Variants in SCAPER observed in about 807,000 individuals in gnomAD.
SCAPER encodes S phase cyclin A-associated protein in the endoplasmic reticulum.
Under a neutral mutation model 182.2 loss-of-function variants are expected in SCAPER, and 98 were observed. The ratio of observed to expected loss-of-function variants is 0.54; its 90% confidence interval spans 0.46 to 0.64. SCAPER has a LOEUF of 0.64. Among genes scored for constraint, SCAPER ranks in the 30% least tolerant of loss-of-function variants. SCAPER has a pLI of 0.00. For missense variants in SCAPER, 1,432 were observed against 1,690.0 expected, an observed-to-expected ratio of 0.85 and a Z score of 2.68; for synonymous variants, 605 against 564.6, an observed-to-expected ratio of 1.07 and a Z score of -1.01.
chr15:76,685,674 G>C (rs1164699475), intron 20 of SCAPER, among the ~76,000 whole-genome samples: 1 of 152,084 alleles, frequency 6.6e-6, no homozygotes, highest in East Asian at 1.9e-4. Context: ...ATTCTCAACA[G>C]TTTTTGATAG....
intron 15 of SCAPER, among the ~76,000 whole-genome samples, chr15:76,736,368 T>C (rs1394217468): frequency 1.3e-5 from 2 of 152,210 alleles, no homozygotes; most frequent in Non-Finnish European, 2.9e-5. Flanking sequence ...TTTCTTAAAA[T>C]AGGACAACAA....
intron 24 of SCAPER, among the ~76,000 whole-genome samples, chr15:76,481,407 G>T (rs1207732988): frequency 6.6e-6 from 1 of 151,892 alleles, no homozygotes; most frequent in African/African-American, 2.4e-5. Flanking sequence ...CTGTTTATTG[G>T]GCATCTATTT....
chr15:76,492,325 A>G (rs993709436), intron 24 of SCAPER, among the ~76,000 whole-genome samples: 2 of 152,206 alleles, frequency 1.3e-5, no homozygotes, highest in Admixed American at 1.3e-4. Context: ...TCTCCACAGA[A>G]AGTAGAATTA....
intron 25 of SCAPER, among the ~76,000 whole-genome samples, chr15:76,441,831 C>T (rs190128713): frequency 5.3e-4 from 80 of 152,284 alleles, no homozygotes; most frequent in Non-Finnish European, 4.0e-4. Context: ...CTCTCTCTCT[C>T]AGAATATAAG....
At chr15:76,843,444 A>G (rs957037295) in intron 4 of SCAPER, among the ~76,000 whole-genome samples, 21 of 152,222 alleles carry the variant, frequency 1.4e-4, no homozygotes, top group African/African-American at 5.1e-4. Context: ...AGTTAAAAGA[A>G]TGACAGAACT....
At chr15:76,518,542 G>C (rs2042612071) in intron 23 of SCAPER, among the ~76,000 whole-genome samples, 3 of 152,124 alleles carry the variant, frequency 2.0e-5, no homozygotes, top group African/African-American at 7.2e-5. Context: ...GTGATAGGCA[G>C]GGGCAGGGTT....
At position 76,602,044 on chromosome 15, in the gene SCAPER, T is replaced by C. The variant is rs1056923195; in HGVS notation, c.2711+19720A>G. Among the ~76,000 whole-genome samples, 22 of 121,742 alleles carry C rather than the reference T, an allele frequency of 1.8e-4. 1 individual carries two copies. The highest frequency in any genetic ancestry group is 5.0e-4 in the African/African-American group (20 of 39,890). The allele number at this position is 121,742 out of a possible 152,430, so 79.9% of individuals were successfully genotyped here. A position where few individuals can be genotyped will look rare whatever the true frequency, so the allele number is the denominator to read the frequency against. On this transcript the variant is annotated intron_variant, in intron 22 of 31. Transcript: ENST00000563290. ...TTTGGTTGAAAACATCTGCATATCATTGGGCTTGGGTAGTTCAAACCCATG... is the reference window on the plus strand; with the variant it reads ...TTTGGTTGAAAACATCTGCATATCACTGGGCTTGGGTAGTTCAAACCCATG...
At chr15:76,546,314 T>A (rs1462901894) in intron 23 of SCAPER, among the ~76,000 whole-genome samples, 1 of 152,140 alleles carries the variant, frequency 6.6e-6, no homozygotes, top group African/African-American at 2.4e-5. Flanking sequence ...AAGAAAAAGA[T>A]AATATAACCA....
intron 21 of SCAPER, among the ~76,000 whole-genome samples, chr15:76,624,890 G>A (rs1312343388): frequency 6.6e-6 from 1 of 152,170 alleles, no homozygotes; most frequent in African/African-American, 2.4e-5. Context: ...CCATGGTAAG[G>A]GCAATGGCAG....
Position 76,795,337 on chromosome 15 carries a change from T to C in SCAPER, c.715A>G (p.Ile239Val). Residue 239 changes from isoleucine to valine, a missense_variant, in exon 8 of 32, where the codon ATA becomes GTA. Ile to Val is a conservative substitution (Grantham distance 29, BLOSUM62 3). This residue lies in a region of SCAPER where 480 missense variants were observed against 510.2 expected (regional missense o/e 0.94). Coordinates refer to ENST00000563290, the MANE Select transcript of SCAPER (RefSeq NM_020843.4). ...GGTGGGCAAGACTGGGCGGGTGTTA[T>C]TTCTGAAGAAGCAGTAGAGCCTGTA... is the stretch of plus-strand genomic sequence containing the variant. Reference protein sequence around the residue: ...HHTGSTASSEITPAQSCPPMT... With the variant: ...HHTGSTASSEVTPAQSCPPMT... 1 of 1,613,472 alleles carries C rather than the reference T, an allele frequency of 6.2e-7. No homozygotes were observed. Among genetic ancestry groups the C allele is most frequent in the Non-Finnish European group, 8.5e-7 (1 of 1,179,530 alleles).
Position 76,766,958 on chromosome 15 carries a change from T to C in SCAPER, c.1379A>G (p.Asn460Ser), listed in dbSNP as rs1555582682. The change falls in exon 11 of 32, where the codon AAT becomes AGT. Residue 460 changes from asparagine (N) to serine (S), a missense_variant. Physicochemically the swap from Asn to Ser is conservative, Grantham distance 46 (BLOSUM62 1). Around this residue, in one of 5 missense-constraint regions of SCAPER, gnomAD observed 128 missense variants for 149.9 expected, o/e 0.85. Coordinates refer to ENST00000563290, the MANE Select transcript of SCAPER (RefSeq NM_020843.4). ...GTTGTCAGTTTCAATGTTAATATCA[T>C]TGTTTTCTTCAGCTTCAATTTCTCT... Reference protein sequence around the residue: ...LTREIEAEENNDINIETDNDS... With the variant: ...LTREIEAEENSDINIETDNDS... 6.2e-7 allele frequency: 1 copy of C among 1,608,992 alleles called. No homozygotes were observed. The highest frequency in any genetic ancestry group is 1.1e-5 in the South Asian group (1 of 89,742).
At chr15:76,806,667 C>T (rs1022046832) in intron 5 of SCAPER, among the ~76,000 whole-genome samples, 1 of 152,200 alleles carries the variant, frequency 6.6e-6, no homozygotes, top group Non-Finnish European at 1.5e-5. Context: ...ATGAAGTCTT[C>T]TGTTCATGAA....
At chr15:76,450,983 A>G (rs1010461511) in intron 25 of SCAPER, among the ~76,000 whole-genome samples, 1 of 152,252 alleles carries the variant, frequency 6.6e-6, no homozygotes, top group Non-Finnish European at 1.5e-5. Flanking sequence ...CACTTTGATC[A>G]TCTCCAAAAG....
intron 23 of SCAPER, among the ~76,000 whole-genome samples, chr15:76,545,895 T>A (rs938599785): frequency 1.3e-5 from 2 of 152,086 alleles, no homozygotes; most frequent in African/African-American, 4.8e-5. Context: ...CTTGTGTGGA[T>A]GAAACTCCAT....
chr15:76,849,184 C>T (rs748983641), intron 4 of SCAPER, among the ~76,000 whole-genome samples: 5 of 152,176 alleles, frequency 3.3e-5, no homozygotes, highest in Non-Finnish European at 5.9e-5. Context: ...GCAGTGCAGC[C>T]GCCCCATCCC....
chr15:76,376,188 A>G lies in SCAPER; in HGVS notation c.3829T>C (p.Phe1277Leu). 6.2e-7 allele frequency: 1 copy of G among 1,613,988 alleles called. No individual in the cohort carries two copies. The highest frequency in any genetic ancestry group is 1.1e-5 in the South Asian group (1 of 91,082). Residue 1277 changes from phenylalanine (F) to leucine (L), a missense_variant, in exon 29 of 32, where the codon TTC (phenylalanine) becomes CTC (leucine). By Grantham distance (22) the Phe-to-Leu change is conservative. Transcript: ENST00000563290. ...LHEVIVCVGY[F>L]TVNHPDNQVI... ...TGGTTATCTGGGTGGTTGACAGTGA[A>G]GTAGCCCACACAGACGATGACCTCA...
Position 76,728,450 on chromosome 15 carries a change from C to T in SCAPER, c.2165+145G>A, listed in dbSNP as rs549511764. 5.6e-5 allele frequency: 57 copies of T among 1,025,462 alleles called. No individual in the cohort carries two copies. In the East Asian group the frequency reaches 1.4e-3, roughly 25 times the overall value. 63.5% of individuals were successfully genotyped at this position (1,025,462 alleles called of 1,614,324 possible). A position where few individuals can be genotyped will look rare whatever the true frequency, so the allele number is the denominator to read the frequency against. On this transcript the variant is annotated intron_variant, in intron 17 of 31. Transcript: ENST00000563290. ...TCAGGAGGGTGAGGTGGGAGGATCA[C>T]TTGAGTCAGAGAGTTCAAGATCAAC...
chr15:76,349,163 A>G (rs935205285), intron 31 of SCAPER: 3 of 152,860 alleles, frequency 2.0e-5, no homozygotes, highest in Admixed American at 2.0e-4. Context: ...TAGCCATTGC[A>G]CTCCAGGATA....
chr15:76,811,606 C>G (rs906194895), intron 5 of SCAPER, among the ~76,000 whole-genome samples: 3 of 151,980 alleles, frequency 2.0e-5, no homozygotes, highest in African/African-American at 7.3e-5. Context: ...GCCTGATCAA[C>G]ATGGAGAAAC....
Sources: allele counts gnomAD v4.1 joint callset (sites outside exome capture counted in the v4.1 genomes callset), GRCh38; gene constraint gnomAD v4.1.1; regional missense constraint gnomAD v4.1.1; transcripts MANE v1.5; gene names NCBI Gene and HGNC (gene_info 2026-07-23, HGNC 2026-07-21).